FKBP5: variants seen among roughly 807,000 people sequenced by gnomAD.
FKBP5 encodes the protein FKBP prolyl isomerase 5, also known as peptidyl-prolyl cis-trans isomerase FKBP5.
FKBP5 carries 23 observed loss-of-function variants against 50.5 expected under a neutral mutation model. The observed-to-expected ratio is 0.46, with a 90% CI of 0.33 to 0.65. The LOEUF is 0.65. Ranked by LOEUF, FKBP5 falls within the 30% of genes least tolerant of loss-of-function variation. FKBP5 has a pLI of 0.02. For missense variants in FKBP5, 411 were observed against 553.1 expected, an observed-to-expected ratio of 0.74 and a Z score of 2.58; for synonymous variants, 176 against 190.6, an observed-to-expected ratio of 0.92 and a Z score of 0.63.
At chr6:35,693,163 C>T (rs374513922), upstream of FKBP5, among the ~76,000 whole-genome samples, 2 of 109,790 alleles carry the variant, frequency 1.8e-5, no homozygotes, top group South Asian at 3.0e-4. Context: ...TTCTCTCTCT[C>T]TTTTTTTTTT....
chr6:35,601,909 A>AG (rs1218188910), intron 5 of FKBP5, among the ~76,000 whole-genome samples: 1 of 152,212 alleles, frequency 6.6e-6, no homozygotes, highest in Non-Finnish European at 1.5e-5. Flanking sequence ...TGTAACTTAA[A>AG]GGGGGAGGGA....
Position 35,621,423 on chromosome 6 carries a change from G to A in FKBP5, c.251-1149C>T, listed in dbSNP as rs1369631271. On this transcript the variant is annotated intron_variant, in intron 3 of 10. Coordinates refer to ENST00000357266, the MANE Select transcript of FKBP5 (RefSeq NM_004117.4). ...GGATCACTTGAGGCCAGGAATTCAAGCCTGGCCAACATGGTGAAACCCCGT... is the reference window on the plus strand; with the variant it reads ...GGATCACTTGAGGCCAGGAATTCAAACCTGGCCAACATGGTGAAACCCCGT... Among the ~76,000 whole-genome samples, 5 of 152,146 alleles carry A rather than the reference G, an allele frequency of 3.3e-5. No homozygotes were observed. In the South Asian group the frequency reaches 6.2e-4, roughly 19 times the overall value.
intron 6 of FKBP5, among the ~76,000 whole-genome samples, chr6:35,592,757 G>C (rs1434530539): frequency 6.6e-6 from 1 of 152,164 alleles, no homozygotes; most frequent in African/African-American, 2.4e-5. Context: ...GGAAACCTTT[G>C]GCAATGTCTA....
At chr6:35,592,942 G>C (rs951208701) in intron 6 of FKBP5, among the ~76,000 whole-genome samples, 1 of 152,140 alleles carries the variant, frequency 6.6e-6, no homozygotes, top group African/African-American at 2.4e-5. Context: ...GGGAATGTGG[G>C]GCTGTATCAA....
chr6:35,662,044 T>C (rs1419965339), intron 1 of FKBP5, among the ~76,000 whole-genome samples: 1 of 152,182 alleles, frequency 6.6e-6, no homozygotes, highest in East Asian at 1.9e-4. Context: ...ATTTAGTTTT[T>C]GTTACTTTCT....
chr6:35,682,913 A>G (rs923830318), intron 1 of FKBP5, among the ~76,000 whole-genome samples: 20 of 150,688 alleles, frequency 1.3e-4, no homozygotes, highest in African/African-American at 3.9e-4. Context: ...TTTAAAAAAA[A>G]AAAAAAAGAA....
intron 1 of FKBP5, among the ~76,000 whole-genome samples, chr6:35,688,506 G>A (rs1437534068): frequency 1.3e-5 from 2 of 151,638 alleles, no homozygotes; most frequent in African/African-American, 4.8e-5. Flanking sequence ...GGAGAGGCCG[G>A]CGGGGGCGGA....
chr6:35,701,478 C>T (rs188190968), intron 2 of FKBP5, among the ~76,000 whole-genome samples: 5,733 of 151,604 alleles, frequency 0.038, 117 homozygotes, highest in African/African-American at 0.062. Flanking sequence ...CTCCTGACCT[C>T]GTGATCCGCC....
intron 1 of FKBP5, among the ~76,000 whole-genome samples, chr6:35,725,367 T>C (rs1355400442): frequency 6.6e-6 from 1 of 152,042 alleles, no homozygotes; most frequent in African/African-American, 2.4e-5. Context: ...CTAGCTGGGC[T>C]CAGGAATATT....
At chr6:35,684,327 C>T (rs1765762662) in intron 1 of FKBP5, among the ~76,000 whole-genome samples, 1 of 151,944 alleles carries the variant, frequency 6.6e-6, no homozygotes, top group Non-Finnish European at 1.5e-5. Context: ...TACAGGTGTA[C>T]TCCACCACAC....
rs544743963 is a variant in FKBP5 at position 35,705,427 on chromosome 6, C to T, written c.-20+14901G>A. ...GATTACAGGCACACACCACCATGCT[C>T]GGCTAATTTTTGTATTTTTAGTAGA... On this transcript the variant is annotated intron_variant, in intron 2 of 11. Transcript: ENST00000536438. 5.5e-4 allele frequency among the ~76,000 whole-genome samples: 82 copies of T among 150,442 alleles called. No individual in the cohort carries two copies. In the Middle Eastern group the frequency reaches 0.01, roughly 19 times the overall value.
At chr6:35,618,820 G>A (rs1158560292) in intron 5 of FKBP5, among the ~76,000 whole-genome samples, 2 of 151,928 alleles carry the variant, frequency 1.3e-5, no homozygotes, top group Admixed American at 6.6e-5. Flanking sequence ...TCAGCCTCCC[G>A]AGTAGCTGGG....
At chr6:35,598,245 C>T (rs1453749661) in intron 5 of FKBP5, among the ~76,000 whole-genome samples, 3 of 152,110 alleles carry the variant, frequency 2.0e-5, no homozygotes, top group African/African-American at 7.2e-5. Context: ...TTTTGAGACG[C>T]AGTCTTGCTC....
At chr6:35,719,877 C>T (rs1164549276) in intron 2 of FKBP5, among the ~76,000 whole-genome samples, 4 of 152,180 alleles carry the variant, frequency 2.6e-5, no homozygotes, top group East Asian at 1.9e-4. Context: ...GTTTCCGTAC[C>T]CGGCCTCCTC....
chr6:35,695,243 A>C (rs184981757), intron 2 of FKBP5, among the ~76,000 whole-genome samples: 100 of 152,334 alleles, frequency 6.6e-4, no homozygotes, highest in Admixed American at 2.4e-3. Context: ...AGCTCACTGC[A>C]ACCTCCGCCT....
At chr6:35,672,577 A>G (rs1228715732) in intron 1 of FKBP5, among the ~76,000 whole-genome samples, 1 of 151,956 alleles carries the variant, frequency 6.6e-6, no homozygotes, top group Non-Finnish European at 1.5e-5. Flanking sequence ...AGAATACACA[A>G]CATGAAAAGC....
chr6:35,728,331 C>G lies in FKBP5; in HGVS notation c.-241+177G>C, dbSNP rs554512271. 1.3e-5 allele frequency among the ~76,000 whole-genome samples: 2 copies of G among 152,292 alleles called. 1 individual carries two copies. Among genetic ancestry groups the G allele is most frequent in the South Asian group, 4.1e-4 (2 of 4,834 alleles). ...CCCAGCCTGCCGCGCGAGACCTCCA[C>G]GTGGCCGGTTTGCGCATCCCTCTGC... On this transcript the variant is annotated intron_variant, in intron 1 of 11. Transcript: ENST00000536438.
At position 35,577,011 on chromosome 6, in the gene FKBP5, C is replaced by T. The variant is rs965428955; in HGVS notation, c.1249G>A (p.Ala417Thr). Residue 417 changes from alanine to threonine, a missense_variant, in exon 10 of 11, where the codon GCA becomes ACA. Transcript: ENST00000357266. ...RIYANMFKKF[A>T]EQDAKEEANK... ...GCACACACCTTGGCATCCTGCTCTG[C>T]AAACTTCTTGAACATGTTGGCGTAT... The T allele has an allele frequency of 6.2e-7, 1 of 1,614,090 alleles. No individual in the cohort carries two copies. The highest frequency in any genetic ancestry group is 8.5e-7 in the Non-Finnish European group (1 of 1,180,014).
At chr6:35,722,735 A>T (rs1221918266) in intron 1 of FKBP5, among the ~76,000 whole-genome samples, 1 of 152,124 alleles carries the variant, frequency 6.6e-6, no homozygotes, top group African/African-American at 2.4e-5. Context: ...CTGCCTGGCC[A>T]ATTCCTCTCT....
Sources: allele counts gnomAD v4.1 joint callset (sites outside exome capture counted in the v4.1 genomes callset), GRCh38; gene constraint gnomAD v4.1.1; transcripts MANE v1.5; gene names NCBI Gene and HGNC (gene_info 2026-07-23, HGNC 2026-07-21).